The following EPHA6 variants were observed in gnomAD, a reference collection of about 807,000 sequenced individuals.
EPHA6 encodes ephrin type-A receptor 6.
Under a neutral mutation model 112.0 loss-of-function variants are expected in EPHA6, and 50 were observed. The observed-to-expected ratio is 0.45, with a 90% CI of 0.36 to 0.56. The LOEUF is 0.56. EPHA6 is among the 20% of genes least tolerant of loss of function. EPHA6 has a pLI of 0.00. For synonymous variants in EPHA6, 529 were observed against 490.7 expected (o/e 1.08, Z -1.03); for missense variants, 1,280 against 1,417.4 (o/e 0.90, Z 1.56).
At chr3:97,035,615 G>A (rs2045061183) in intron 3 of EPHA6, among the ~76,000 whole-genome samples, 1 of 151,632 alleles carries the variant, frequency 6.6e-6, no homozygotes, top group South Asian at 2.1e-4. Context: ...TAGGATTTTT[G>A]TAGCGTACTC....
chr3:97,499,510 G>A (rs555113108), intron 10 of EPHA6, among the ~76,000 whole-genome samples: 38 of 152,108 alleles, frequency 2.5e-4, no homozygotes, highest in Non-Finnish European at 1.2e-4. Flanking sequence ...TGCATTATTA[G>A]ATTATTTCAT....
chr3:96,823,184 A>G (rs1174049707), intron 1 of EPHA6, among the ~76,000 whole-genome samples: 2 of 151,804 alleles, frequency 1.3e-5, no homozygotes, highest in Non-Finnish European at 3.0e-5. Context: ...ATTGAAATTA[A>G]ATGAGTAAAT....
intron 2 of EPHA6, among the ~76,000 whole-genome samples, chr3:96,883,180 A>G (rs2037424939): frequency 6.6e-6 from 1 of 152,046 alleles, no homozygotes; most frequent in Non-Finnish European, 1.5e-5. Context: ...GATCATTAGT[A>G]ATTTTGAGCA....
At chr3:97,653,018 G>A (rs1013388677) in intron 14 of EPHA6, among the ~76,000 whole-genome samples, 16 of 151,920 alleles carry the variant, frequency 1.1e-4, no homozygotes, top group African/African-American at 3.9e-4. Context: ...AAACTAACTA[G>A]GTATAAGGAT....
chr3:97,614,421 G>A (rs1241063345), intron 13 of EPHA6, among the ~76,000 whole-genome samples: 10 of 144,156 alleles, frequency 6.9e-5, no homozygotes, highest in South Asian at 6.7e-4. Context: ...TGCAACCTCC[G>A]CCTCCCGGGT....
intron 3 of EPHA6, among the ~76,000 whole-genome samples, chr3:97,127,681 C>T (rs1461829492): frequency 1.3e-5 from 2 of 149,550 alleles, no homozygotes; most frequent in Admixed American, 6.7e-5. Context: ...CGCCACTGCA[C>T]TGCAGCCTGG....
At chr3:97,314,328 A>G (rs2081706738) in intron 5 of EPHA6, among the ~76,000 whole-genome samples, 1 of 151,466 alleles carries the variant, frequency 6.6e-6, no homozygotes, top group African/African-American at 2.4e-5. Flanking sequence ...TTTGCTTAGG[A>G]TTGCTTTGGC....
At chr3:97,341,762 G>T (rs1046313964) in intron 5 of EPHA6, among the ~76,000 whole-genome samples, 5 of 152,122 alleles carry the variant, frequency 3.3e-5, no homozygotes, top group African/African-American at 7.2e-5. Context: ...TGGTGATACA[G>T]TAGTTAAGGG....
chr3:97,547,066 A>C (rs1435065120), intron 11 of EPHA6, among the ~76,000 whole-genome samples: 1 of 152,132 alleles, frequency 6.6e-6, no homozygotes, highest in African/African-American at 2.4e-5. Context: ...CTGTCAGCTC[A>C]TCAAAGTCAT....
At position 97,316,104 on chromosome 3, in the gene EPHA6, A is replaced by T. The variant is rs1245714018; in HGVS notation, c.1606+71817A>T. 1.1e-4 allele frequency among the ~76,000 whole-genome samples: 17 copies of T among 151,830 alleles called. No individual in the cohort carries two copies. The East Asian group carries it at 2.9e-3, about 26-fold the overall frequency. Reference sequence around the variant, plus strand: ...TTAAATTATTGTGTCATATTAAATGATTTTAAAATGAAATAATAATGCAAC... The same window carrying T: ...TTAAATTATTGTGTCATATTAAATGTTTTTAAAATGAAATAATAATGCAAC... On this transcript the variant is annotated intron_variant, in intron 5 of 17. Coordinates refer to ENST00000389672, the MANE Select transcript of EPHA6 (RefSeq NM_001080448.3).
At chr3:97,469,935 CT>C (rs1382555159) in intron 7 of EPHA6, among the ~76,000 whole-genome samples, 1 of 151,592 alleles carries the variant, frequency 6.6e-6, no homozygotes, top group Non-Finnish European at 1.5e-5. Context: ...GGATGAAAAA[CT>C]TGACTCTGGA....
chr3:97,341,653 T>C (rs942928882), intron 5 of EPHA6, among the ~76,000 whole-genome samples: 6 of 152,126 alleles, frequency 3.9e-5, no homozygotes, highest in African/African-American at 1.4e-4. Flanking sequence ...TTTTAATATA[T>C]ATTAAGTGTA....
At chr3:97,553,705 G>C (rs764098361) in intron 11 of EPHA6, among the ~76,000 whole-genome samples, 1 of 152,084 alleles carries the variant, frequency 6.6e-6, no homozygotes, top group Non-Finnish European at 1.5e-5. Context: ...ATGAGATTTG[G>C]GTGGGGACAT....
chr3:96,979,737 G>A (rs1360801436), intron 2 of EPHA6, among the ~76,000 whole-genome samples: 1 of 152,030 alleles, frequency 6.6e-6, no homozygotes, highest in African/African-American at 2.4e-5. Flanking sequence ...TTTAATGATT[G>A]CCATTCTAAC....
At chr3:97,459,943 C>G (rs1040786138) in intron 7 of EPHA6, among the ~76,000 whole-genome samples, 3 of 152,308 alleles carry the variant, frequency 2.0e-5, no homozygotes, top group South Asian at 2.1e-4. Context: ...GACCTGCTCA[C>G]CAGAACCTTC....
intron 6 of EPHA6, among the ~76,000 whole-genome samples, chr3:97,430,883 C>T (rs1056856108): frequency 1.3e-5 from 2 of 152,040 alleles, no homozygotes; most frequent in South Asian, 4.1e-4. Context: ...AAGAACACAC[C>T]TGCTGCTCAT....
intron 10 of EPHA6, among the ~76,000 whole-genome samples, chr3:97,496,045 C>G (rs753407223): frequency 6.6e-6 from 1 of 152,092 alleles, no homozygotes; most frequent in African/African-American, 2.4e-5. Flanking sequence ...TTTTGAAAGA[C>G]GGACACAGCA....
intron 14 of EPHA6, among the ~76,000 whole-genome samples, chr3:97,704,501 G>A (rs1322227054): frequency 1.3e-5 from 2 of 152,088 alleles, no homozygotes; most frequent in South Asian, 2.1e-4. Context: ...CCCTCTTGCC[G>A]ATGACCTATC....
intron 14 of EPHA6, among the ~76,000 whole-genome samples, chr3:97,660,849 A>G (rs183446883): frequency 6.6e-5 from 10 of 152,292 alleles, no homozygotes; most frequent in Admixed American, 5.9e-4. Context: ...AAAAAAAATG[A>G]CATCCTAATA....
Sources: gnomAD v4.1 joint callset for allele counts (sites outside exome capture counted in the v4.1 genomes callset) on GRCh38, gnomAD v4.1.1 for gene constraint, MANE v1.5 for transcripts, NCBI Gene and HGNC (gene_info 2026-07-23, HGNC 2026-07-21) for gene names.